Variants in AFG2A observed in about 807,000 individuals in gnomAD.
AFG2A encodes the protein ATPase family gene 2 protein homolog A.
At chr4:122,934,844 T>G in the AFG2A span, 1 of 1,373,996 alleles carries the variant, frequency 7.3e-7, no homozygotes, top group South Asian at 1.5e-5. Context: ...TTTTATTTTC[T>G]GAGTAGTAGG....
chr4:123,307,566 G>A, the AFG2A span, among the ~76,000 whole-genome samples: 2 of 152,114 alleles, frequency 1.3e-5, no homozygotes, highest in South Asian at 4.1e-4. Context: ...TTTTTCCAAA[G>A]CTTAACACAG....
chr4:122,946,055 A>G, the AFG2A span, among the ~76,000 whole-genome samples: 2 of 152,228 alleles, frequency 1.3e-5, no homozygotes, highest in Non-Finnish European at 2.9e-5. Context: ...TGGAGATGAT[A>G]GAGTTGTGAG....
At chr4:123,031,350 A>G in the AFG2A span, among the ~76,000 whole-genome samples, 2 of 152,100 alleles carry the variant, frequency 1.3e-5, no homozygotes. Context: ...ACAGGGTTTC[A>G]CCATGTTGCC....
chr4:122,990,976 A>G, the AFG2A span, among the ~76,000 whole-genome samples: 1 of 152,236 alleles, frequency 6.6e-6, no homozygotes, highest in Admixed American at 6.5e-5. Context: ...AAATAAAACC[A>G]ATAGTTTCTT....
chr4:123,131,714 T>C, the AFG2A span, among the ~76,000 whole-genome samples: 3,264 of 152,288 alleles, frequency 0.021, 112 homozygotes, highest in African/African-American at 0.074. Context: ...CATCTTGTTA[T>C]CCATTCATCT....
At chr4:123,243,799 A>G in the AFG2A span, among the ~76,000 whole-genome samples, 1 of 88,554 alleles carries the variant, frequency 1.1e-5, no homozygotes, top group Admixed American at 1.3e-4. Flanking sequence ...CAGGAGGATC[A>G]CTTGAGTCCG....
chr4:123,227,554 G>C, the AFG2A span, among the ~76,000 whole-genome samples: 5 of 152,172 alleles, frequency 3.3e-5, no homozygotes, highest in African/African-American at 1.2e-4. Flanking sequence ...GTTCTAGTTT[G>C]ATTGCACTGT....
chr4:122,936,817 TAAAA>T, the AFG2A span, among the ~76,000 whole-genome samples: 1 of 152,024 alleles, frequency 6.6e-6, no homozygotes, highest in East Asian at 1.9e-4. Context: ...CCGTCTCTAC[TAAAA>T]ATACAAAAAT....
chr4:123,194,953 C>A, the AFG2A span, among the ~76,000 whole-genome samples: 1 of 152,106 alleles, frequency 6.6e-6, no homozygotes. Context: ...AGAAAATAAG[C>A]CAAATGCAAG....
At chr4:123,107,799 G>A in the AFG2A span, among the ~76,000 whole-genome samples, 1 of 152,220 alleles carries the variant, frequency 6.6e-6, no homozygotes, top group African/African-American at 2.4e-5. Context: ...GTTCAAGGTG[G>A]CTGGGGGCTG....
At chr4:123,183,933 T>TATTCATTCATTC in the AFG2A span, among the ~76,000 whole-genome samples, 1,021 of 137,382 alleles carry the variant, frequency 7.4e-3, 1 homozygote, top group Non-Finnish European at 9.0e-3. Flanking sequence ...CTTGCTTATT[T>TATTCATTCATTC]ATTCATTCAT....
chr4:123,029,948 G>A, the AFG2A span, among the ~76,000 whole-genome samples: 1 of 152,294 alleles, frequency 6.6e-6, no homozygotes, highest in East Asian at 1.9e-4. Flanking sequence ...AAAGGTTGCG[G>A]TTTTAAGGGT....
the AFG2A span, among the ~76,000 whole-genome samples, chr4:122,957,592 T>C: frequency 2.0e-5 from 3 of 152,310 alleles, no homozygotes; most frequent in East Asian, 3.9e-4. Flanking sequence ...TGAACTACTC[T>C]CTTAGCTTTA....
the AFG2A span, among the ~76,000 whole-genome samples, chr4:122,931,272 T>G: frequency 6.6e-6 from 1 of 152,180 alleles, no homozygotes; most frequent in Admixed American, 6.5e-5. Flanking sequence ...AATTTTCTCA[T>G]TAGTTTATAC....
the AFG2A span, among the ~76,000 whole-genome samples, chr4:122,944,668 G>A: frequency 2.6e-5 from 4 of 151,816 alleles, no homozygotes; most frequent in Non-Finnish European, 5.9e-5. Context: ...GCTTTGTTCT[G>A]TTGCTGGTGA....
chr4:123,050,196 T>G, the AFG2A span, among the ~76,000 whole-genome samples: 1 of 152,228 alleles, frequency 6.6e-6, no homozygotes, highest in Admixed American at 6.5e-5. Flanking sequence ...TGTTTTGAAT[T>G]TGTTGAGATT....
At chr4:123,024,582 G>A in the AFG2A span, among the ~76,000 whole-genome samples, 3 of 152,284 alleles carry the variant, frequency 2.0e-5, no homozygotes, top group East Asian at 5.8e-4. Flanking sequence ...ATTCCTCAGA[G>A]AAATTACCAA....
the AFG2A span, among the ~76,000 whole-genome samples, chr4:123,270,073 C>T: frequency 6.6e-6 from 1 of 152,158 alleles, no homozygotes; most frequent in Non-Finnish European, 1.5e-5. Flanking sequence ...CCTCGGCCTC[C>T]CAAAGTTCTG....
chr4:123,311,637 A>C, the AFG2A span, among the ~76,000 whole-genome samples: 1 of 17,870 alleles, frequency 5.6e-5, no homozygotes, highest in Non-Finnish European at 5.0e-4. Context: ...AAAAAAAAAA[A>C]AAAAAAAAAA....
Sources: allele counts gnomAD v4.1 joint callset (sites outside exome capture counted in the v4.1 genomes callset), GRCh38; gene constraint gnomAD v4.1.1; transcripts MANE v1.5; gene names NCBI Gene and HGNC (gene_info 2026-07-23, HGNC 2026-07-21).